The following EEF1AKMT1 variants were observed in gnomAD, a reference collection of about 807,000 sequenced individuals.
EEF1AKMT1 encodes EEF1A lysine methyltransferase 1.
EEF1AKMT1 carries 18 observed loss-of-function variants against 21.0 expected under a neutral mutation model. The ratio of observed to expected loss-of-function variants is 0.86; its 90% CI spans 0.59 to 1.27. The LOEUF (loss-of-function observed/expected upper bound fraction) is 1.27, where lower values mean the gene tolerates loss of function less well. Ranked by LOEUF, EEF1AKMT1 falls within the 50% of genes most tolerant of loss-of-function variation. EEF1AKMT1 has a pLI of 0.00. For missense variants in EEF1AKMT1, 246 were observed against 258.6 expected (o/e 0.95, Z 0.33); for synonymous variants, 109 against 94.8 (o/e 1.15, Z -0.87).
chr13:20,760,104 C>CAAA (rs56891551), intron 1 of EEF1AKMT1, among the ~76,000 whole-genome samples: 1,944 of 56,166 alleles, frequency 0.035, 111 homozygotes, highest in African/African-American at 0.11. Context: ...GACTCTGTCT[C>CAAA]AAAAAAAAAA....
chr13:20,741,682 C>T (rs549837174), intron 2 of EEF1AKMT1, among the ~76,000 whole-genome samples: 1 of 152,152 alleles, frequency 6.6e-6, no homozygotes, highest in South Asian at 2.1e-4. Flanking sequence ...GTCTCAATCT[C>T]TTGACTTCGT....
chr13:20,746,734 AT>A (rs905036093), intron 2 of EEF1AKMT1, among the ~76,000 whole-genome samples: 16 of 152,278 alleles, frequency 1.1e-4, no homozygotes, highest in African/African-American at 3.6e-4. Flanking sequence ...GTCCCACTCC[AT>A]TTTTTAAGAT....
intron 2 of EEF1AKMT1, among the ~76,000 whole-genome samples, chr13:20,739,345 A>G (rs888079573): frequency 3.3e-5 from 5 of 152,126 alleles, no homozygotes; most frequent in Admixed American, 2.0e-4. Context: ...GCAACCCAAG[A>G]GGGTTGCCGC....
At chr13:20,740,331 C>T (rs917963680) in intron 2 of EEF1AKMT1, among the ~76,000 whole-genome samples, 4 of 152,262 alleles carry the variant, frequency 2.6e-5, no homozygotes, top group East Asian at 3.8e-4. Flanking sequence ...TCCCTGCAAG[C>T]GGAGGGAGCC....
chr13:20,760,134 A>C (rs962966354), intron 1 of EEF1AKMT1, among the ~76,000 whole-genome samples: 1 of 151,332 alleles, frequency 6.6e-6, no homozygotes, highest in African/African-American at 2.4e-5. Context: ...AAGTCAAAAA[A>C]TAACAGATGT....
At chr13:20,756,339 C>G (rs1337267116) in intron 2 of EEF1AKMT1, among the ~76,000 whole-genome samples, 1 of 151,882 alleles carries the variant, frequency 6.6e-6, no homozygotes, top group African/African-American at 2.4e-5. Context: ...TTTCTAATCC[C>G]TATTGTAATT....
At position 20,743,776 on chromosome 13, in the gene EEF1AKMT1, A is replaced by G. The variant is rs376823222; in HGVS notation, c.145-5971T>C. Among the ~76,000 whole-genome samples the G allele has an allele frequency of 8.8e-4, 133 of 151,484 alleles. 3 individuals carry two copies. In the South Asian group the frequency reaches 0.026, roughly 30 times the overall value. Reference sequence around the variant, plus strand: ...CCATGGTGGTTTGGGGCACTAATCAACCCATCATGTAGGTTTTAAGCCCCA... The same window carrying G: ...CCATGGTGGTTTGGGGCACTAATCAGCCCATCATGTAGGTTTTAAGCCCCA... On this transcript the variant is annotated intron_variant, in intron 2 of 4. Coordinates refer to ENST00000382758, the MANE Select transcript of EEF1AKMT1 (RefSeq NM_001318939.2).
Position 20,728,869 on chromosome 13 carries a change from T to A in EEF1AKMT1, c.*211A>T. 1 of 590,662 alleles carries A rather than the reference T, an allele frequency of 1.7e-6. No homozygotes were observed. Among genetic ancestry groups the A allele is most frequent in the Admixed American group, 3.0e-5 (1 of 32,824 alleles). 36.6% of individuals were successfully genotyped at this position (590,662 alleles called of 1,614,324 possible). ...TTCTAAGGTTTCTTCCAACTCGAAT[T>A]CCATGGATTCAGGTTGGCAGAAGAC... On this transcript the variant is annotated 3_prime_UTR_variant, in exon 5 of 5. Transcript: ENST00000382758.
At chr13:20,762,922 C>T (rs966926936) in intron 1 of EEF1AKMT1, among the ~76,000 whole-genome samples, 4 of 152,116 alleles carry the variant, frequency 2.6e-5, no homozygotes, top group East Asian at 1.9e-4. Flanking sequence ...TCAACTTATA[C>T]GATCATGTGA....
At chr13:20,759,827 G>A (rs1026157476) in intron 1 of EEF1AKMT1, among the ~76,000 whole-genome samples, 28 of 151,920 alleles carry the variant, frequency 1.8e-4, no homozygotes, top group Admixed American at 1.2e-3. Flanking sequence ...AAAATAGGAC[G>A]GGCACAGTGG....
At chr13:20,729,256 C>A in intron 4 of EEF1AKMT1, 40 bp from the exon 5 acceptor site, 1 of 1,612,518 alleles carries the variant, frequency 6.2e-7, no homozygotes, top group Non-Finnish European at 8.5e-7. Context: ...GAGTGACAAC[C>A]CAGCCGGAGC....
At chr13:20,741,798 G>T (rs1438051288) in intron 2 of EEF1AKMT1, among the ~76,000 whole-genome samples, 3 of 152,094 alleles carry the variant, frequency 2.0e-5, no homozygotes, top group Admixed American at 6.6e-5. Context: ...TTCAATGAAA[G>T]AGAAAAGTGA....
chr13:20,767,743 C>T (rs774305403), intron 1 of EEF1AKMT1, among the ~76,000 whole-genome samples: 1 of 152,164 alleles, frequency 6.6e-6, no homozygotes, highest in Non-Finnish European at 1.5e-5. Flanking sequence ...TCTTCTGCTG[C>T]CCTTCCCTTT....
intron 4 of EEF1AKMT1, among the ~76,000 whole-genome samples, chr13:20,730,682 G>A (rs760549209): frequency 3.9e-5 from 6 of 152,132 alleles, no homozygotes; most frequent in Non-Finnish European, 7.4e-5. Flanking sequence ...TGTCTAGCTA[G>A]AGGATTGTAA....
chr13:20,752,973 A>G (rs1321518989), intron 2 of EEF1AKMT1, among the ~76,000 whole-genome samples: 3 of 150,434 alleles, frequency 2.0e-5, no homozygotes, highest in Admixed American at 1.3e-4. Context: ...CTTTCCTTCT[A>G]CTCATTTTGG....
At position 20,728,993 on chromosome 13, in the gene EEF1AKMT1, AAG is replaced by A; in HGVS notation, c.*85_*86del. 6.6e-7 allele frequency: 1 copy of A among 1,522,518 alleles called. No homozygotes were observed. The highest frequency in any genetic ancestry group is 9.0e-7 in the Non-Finnish European group (1 of 1,105,608). The allele number at this position is 1,522,518 out of a possible 1,614,324, so 94.3% of individuals were successfully genotyped here. ...GACAGCTCCAGTTTGGGGGGAGGGG[AAG>A]AGATTATAACTTTTAAATCTACTAC... On this transcript the variant is annotated 3_prime_UTR_variant, in exon 5 of 5. Coordinates refer to ENST00000382758, the MANE Select transcript of EEF1AKMT1 (RefSeq NM_001318939.2).
At chr13:20,739,276 T>A (rs574482113) in intron 2 of EEF1AKMT1, among the ~76,000 whole-genome samples, 20 of 152,110 alleles carry the variant, frequency 1.3e-4, no homozygotes, top group African/African-American at 4.6e-4. Flanking sequence ...ACCCAAACAG[T>A]GAGCAGCAGT....
In EEF1AKMT1 at chr13:20,737,813, C is replaced by T. The variant is rs1434033260; in HGVS notation, c.145-8G>A. On this transcript the variant is annotated splice_region_variant and splice_polypyrimidine_tract_variant and intron_variant, in intron 2 of 4. Transcript: ENST00000382758. ...CCAAAACTGGCTCAGTTGCTGTAAC[C>T]GAGAAATAGGTTGATAGCATTTTAG... is the stretch of plus-strand genomic sequence containing the variant. The T allele has an allele frequency of 5.0e-6, 8 of 1,606,326 alleles. No individual in the cohort carries two copies. Among genetic ancestry groups the T allele is most frequent in the East Asian group, 2.2e-5 (1 of 44,800 alleles).
At chr13:20,773,669 ACAGGACGCGGCGCCTTCCGGCGAC>A (rs1325505423) in intron 1 of EEF1AKMT1, among the ~76,000 whole-genome samples, 1 of 152,238 alleles carries the variant, frequency 6.6e-6, no homozygotes, top group Admixed American at 6.5e-5. Flanking sequence ...CGTGCGCGGC[ACAGGACGCGGCGCCTTCCGGCGAC>A]CGGGACGCGA....
Sources: allele counts gnomAD v4.1 joint callset (sites outside exome capture counted in the v4.1 genomes callset), GRCh38; gene constraint gnomAD v4.1.1; transcripts MANE v1.5; gene names NCBI Gene and HGNC (gene_info 2026-07-23, HGNC 2026-07-21).